The following ART3 variants were observed in gnomAD, a reference collection of about 807,000 sequenced individuals.
The protein encoded by ART3 is ADP-ribosyltransferase 3 (inactive), also known as ecto-ADP-ribosyltransferase 3.
In ART3, 49 loss-of-function variants were observed where a neutral mutation model predicts 48.5. That is an observed-to-expected ratio of 1.01 (90% confidence interval 0.80 to 1.28). ART3 has a LOEUF of 1.28. Ranked by LOEUF, ART3 falls within the 50% of genes most tolerant of loss-of-function variation. The probability of loss-of-function intolerance (pLI) is 0.00; values close to 1 mark genes in which losing one functional copy is unlikely to be tolerated. For synonymous variants in ART3, 145 were observed against 157.2 expected (o/e 0.92, Z 0.58); for missense variants, 438 against 454.3 (o/e 0.96, Z 0.33).
At chr4:76,087,708 A>T (rs1434164442) in intron 3 of ART3, among the ~76,000 whole-genome samples, 1 of 152,236 alleles carries the variant, frequency 6.6e-6, no homozygotes. Flanking sequence ...GTTAGGAAGC[A>T]GAGAGAATAT....
At chr4:76,043,023 C>G (rs1024994682) in intron 1 of ART3, among the ~76,000 whole-genome samples, 2 of 151,896 alleles carry the variant, frequency 1.3e-5, no homozygotes, top group Non-Finnish European at 2.9e-5. Flanking sequence ...AGTGTCGACA[C>G]AGAGGTTCTC....
At chr4:76,069,012 AACT>A (rs1720028315) in intron 1 of ART3, among the ~76,000 whole-genome samples, 1 of 152,206 alleles carries the variant, frequency 6.6e-6, no homozygotes, top group South Asian at 2.1e-4. Context: ...TCATTTTTAG[AACT>A]ACTGATACAT....
intron 1 of ART3, chr4:76,041,522 A>G (rs1485756475): frequency 6.6e-6 from 1 of 152,250 alleles, no homozygotes; most frequent in Non-Finnish European, 1.5e-5. Flanking sequence ...CAAGGCATGG[A>G]CATAATTTTA....
intron 3 of ART3, among the ~76,000 whole-genome samples, chr4:76,095,270 G>C (rs1725740955): frequency 6.6e-6 from 1 of 152,178 alleles, no homozygotes; most frequent in African/African-American, 2.4e-5. Flanking sequence ...CACTTTAGGA[G>C]GATGAGGCAG....
At chr4:76,110,436 G>T (rs529740797) in intron 11 of ART3, among the ~76,000 whole-genome samples, 1 of 152,256 alleles carries the variant, frequency 6.6e-6, no homozygotes, top group South Asian at 2.1e-4. Flanking sequence ...ATCCTCAGGG[G>T]TTCTAGAACC....
intron 11 of ART3, among the ~76,000 whole-genome samples, chr4:76,108,174 G>C (rs923548558): frequency 1.3e-5 from 2 of 150,916 alleles, no homozygotes; most frequent in African/African-American, 4.9e-5. Context: ...TATCCAGAAA[G>C]AAGATCCATA....
intron 7 of ART3, 40 bp downstream of exon 7, chr4:76,100,864 C>T: frequency 4.4e-6 from 7 of 1,605,870 alleles, no homozygotes; most frequent in Non-Finnish European, 5.9e-6. Context: ...TTACATTTTA[C>T]AAGATACCTC....
At chr4:76,029,354 T>A (rs985928532) in intron 1 of ART3, among the ~76,000 whole-genome samples, 2 of 152,238 alleles carry the variant, frequency 1.3e-5, no homozygotes, top group African/African-American at 4.8e-5. Flanking sequence ...AGCAGTTTAT[T>A]GAGCAGCACT....
intron 1 of ART3, among the ~76,000 whole-genome samples, chr4:76,061,913 G>A (rs1719250135): frequency 6.6e-6 from 1 of 152,228 alleles, no homozygotes; most frequent in African/African-American, 2.4e-5. Flanking sequence ...AACCACTGAA[G>A]TGGATTTTTA....
At chr4:76,025,798 A>C (rs1231508304) in intron 1 of ART3, among the ~76,000 whole-genome samples, 4 of 152,144 alleles carry the variant, frequency 2.6e-5, no homozygotes, top group Non-Finnish European at 4.4e-5. Flanking sequence ...TTTCTTGTTG[A>C]TGGACACCTT....
At chr4:76,046,667 C>A (rs1388566368) in intron 1 of ART3, among the ~76,000 whole-genome samples, 1 of 151,912 alleles carries the variant, frequency 6.6e-6, no homozygotes, top group African/African-American at 2.4e-5. Flanking sequence ...AAGTAGGGGA[C>A]AGCAAATGGG....
At chr4:76,016,092 C>T (rs554770506) in intron 1 of ART3, among the ~76,000 whole-genome samples, 4 of 152,258 alleles carry the variant, frequency 2.6e-5, no homozygotes, top group African/African-American at 9.6e-5. Context: ...CTTTATTTCT[C>T]CTTCATGTTT....
intron 1 of ART3, among the ~76,000 whole-genome samples, chr4:76,019,830 G>A (rs995713990): frequency 7.9e-5 from 12 of 151,972 alleles, no homozygotes; most frequent in Non-Finnish European, 1.3e-4. Context: ...GGAACATGGG[G>A]TATGCCAGTG....
chr4:76,080,013 T>A (rs1311208588), intron 2 of ART3, among the ~76,000 whole-genome samples: 2 of 152,082 alleles, frequency 1.3e-5, no homozygotes, highest in Non-Finnish European at 2.9e-5. Context: ...CTTTAACAGC[T>A]TCTAGCTAAA....
intron 1 of ART3, among the ~76,000 whole-genome samples, chr4:76,031,695 A>G (rs1733883146): frequency 6.6e-6 from 1 of 152,214 alleles, no homozygotes. Context: ...CCCTTGTGTC[A>G]TTCCTCTGCT....
At chr4:76,050,124 A>T (rs1735912055) in intron 1 of ART3, among the ~76,000 whole-genome samples, 1 of 152,022 alleles carries the variant, frequency 6.6e-6, no homozygotes, top group African/African-American at 2.4e-5. Context: ...TGTGGACCCA[A>T]AGAGTGAGCA....
rs117848504 is a variant in ART3, at chr4:76,080,382, C to T, written c.70-1442C>T. On this transcript the variant is annotated intron_variant, in intron 2 of 11. Coordinates refer to ENST00000355810, the MANE Select transcript of ART3 (RefSeq NM_001130016.3). ...CCTTATGAAAAAATAATAATAACCA[C>T]GGCATGTTAAAGACTTGATATGTGC... Among the ~76,000 whole-genome samples the T allele has an allele frequency of 1.6e-3, 251 of 152,258 alleles. 6 individuals carry two copies. In the East Asian group the frequency reaches 0.041, roughly 25 times the overall value.
At chr4:76,110,846 T>C (rs1175142461) in intron 11 of ART3, among the ~76,000 whole-genome samples, 1 of 152,028 alleles carries the variant, frequency 6.6e-6, no homozygotes, top group Non-Finnish European at 1.5e-5. Context: ...TATATATATA[T>C]ATAAAAAGAA....
chr4:76,067,817 A>G (rs769458624), intron 1 of ART3, among the ~76,000 whole-genome samples: 112 of 152,356 alleles, frequency 7.4e-4, no homozygotes, highest in Non-Finnish European at 1.2e-3. Flanking sequence ...GTGGCCTGCC[A>G]TTGAAGAAAT....
Sources: allele counts gnomAD v4.1 joint callset (sites outside exome capture counted in the v4.1 genomes callset), GRCh38; gene constraint gnomAD v4.1.1; transcripts MANE v1.5; gene names NCBI Gene and HGNC (gene_info 2026-07-23, HGNC 2026-07-21).